The following GLT1D1 variants were observed in gnomAD, a reference collection of about 807,000 sequenced individuals.
GLT1D1 encodes glycosyltransferase 1 domain containing 1.
In GLT1D1, 21 loss-of-function variants were observed where a neutral mutation model predicts 28.7. The ratio of observed to expected loss-of-function variants is 0.73; its 90% CI spans 0.52 to 1.05. The LOEUF is 1.05. Among genes scored for constraint, GLT1D1 ranks in the 50% least tolerant of loss-of-function variants. The probability of loss-of-function intolerance (pLI) is 0.00; values close to 1 mark genes in which losing one functional copy is unlikely to be tolerated. For synonymous variants in GLT1D1, 147 were observed against 124.8 expected, an observed-to-expected ratio of 1.18 and a Z score of -1.19; for missense variants, 343 against 330.6, an observed-to-expected ratio of 1.04 and a Z score of -0.29.
At chr12:128,971,384 C>T (rs1246580443) in intron 7 of GLT1D1, among the ~76,000 whole-genome samples, 1 of 136,526 alleles carries the variant, frequency 7.3e-6, no homozygotes, top group Non-Finnish European at 1.5e-5. Flanking sequence ...TTGATTTCTT[C>T]TCCCTCCCTC....
chr12:128,966,256 G>T (rs900413150), intron 7 of GLT1D1, among the ~76,000 whole-genome samples: 1 of 152,344 alleles, frequency 6.6e-6, no homozygotes, highest in East Asian at 1.9e-4. Context: ...ATACCAGCCA[G>T]CATCCCTGCC....
intron 4 of GLT1D1, among the ~76,000 whole-genome samples, chr12:128,936,085 TG>T (rs1170745264): frequency 1.3e-5 from 2 of 151,990 alleles, no homozygotes; most frequent in Non-Finnish European, 2.9e-5. Context: ...ATTCGATGAG[TG>T]AACACTTGGA....
chr12:128,945,576 T>A (rs538444432), intron 5 of GLT1D1, among the ~76,000 whole-genome samples: 6 of 152,338 alleles, frequency 3.9e-5, no homozygotes, highest in Non-Finnish European at 7.3e-5. Flanking sequence ...GTGATTATAA[T>A]TTTTAATGGA....
intron 4 of GLT1D1, 26 bp downstream of exon 5, chr12:128,912,486 C>T (rs1188946066): frequency 5.3e-6 from 7 of 1,324,506 alleles, no homozygotes; most frequent in Admixed American, 2.1e-5. Flanking sequence ...TATTTATTTA[C>T]TTATGTACAG....
rs546181387 is a variant in GLT1D1, at chr12:128,880,706, CTG to C, written c.217+4646_217+4647del. Among the ~76,000 whole-genome samples, 19 of 152,240 alleles carry C rather than the reference CTG, an allele frequency of 1.2e-4. No individual in the cohort carries two copies. The South Asian group carries it at 3.9e-3, about 32-fold the overall frequency. ...CTTAGACAGCCTTCTATTGATTAAACTGTATTTAAAAATATATAGTTCTTATT... is the reference window on the plus strand; with the variant it reads ...CTTAGACAGCCTTCTATTGATTAAACTATTTAAAAATATATAGTTCTTATT... On this transcript the variant is annotated intron_variant, in intron 2 of 7. Transcript: ENST00000281703.
chr12:128,957,663 C>T lies in GLT1D1; in HGVS notation c.639+20C>T. 7.2e-7 allele frequency: 1 copy of T among 1,392,270 alleles called. No individual in the cohort carries two copies. The highest frequency in any genetic ancestry group is 1.0e-6 in the Non-Finnish European group (1 of 978,478). The allele number at this position is 1,392,270 out of a possible 1,614,324, so 86.2% of individuals were successfully genotyped here. A position where few individuals can be genotyped will look rare whatever the true frequency, so the allele number is the denominator to read the frequency against. ...CCTCAGGTAAAGAAAAGTTCTTTCC[C>T]TCCATTCACTCACCTTATCTGAATA... On this transcript the variant is annotated intron_variant, in intron 7 of 7. Transcript: ENST00000281703.
At chr12:128,950,202 G>C (rs560952786) in intron 6 of GLT1D1, among the ~76,000 whole-genome samples, 12 of 152,322 alleles carry the variant, frequency 7.9e-5, no homozygotes, top group African/African-American at 2.6e-4. Context: ...CTGCAGGGAG[G>C]TGGGGTGCCG....
At chr12:128,885,439 T>A (rs933559457) in intron 2 of GLT1D1, among the ~76,000 whole-genome samples, 5 of 152,136 alleles carry the variant, frequency 3.3e-5, no homozygotes, top group African/African-American at 1.2e-4. Context: ...GCCAGGCTGG[T>A]CTCAAACTCC....
chr12:128,894,879 A>ATT (rs1233296498), intron 3 of GLT1D1, among the ~76,000 whole-genome samples: 1 of 148,440 alleles, frequency 6.7e-6, no homozygotes, highest in Non-Finnish European at 1.5e-5. Context: ...TATATTAAAA[A>ATT]TTATATATAT....
In GLT1D1 at chr12:128,912,404, C is replaced by T; in HGVS notation, c.375+13117C>T. On this transcript the variant is annotated intron_variant, in intron 4 of 7. Transcript: ENST00000281703. ...ACTGTCCAATGTACTTTTCTTTTCT[C>T]TCTCCCCTCCTTTCAAAAGCCGCAT... 1 of 1,509,658 alleles carries T rather than the reference C, an allele frequency of 6.6e-7. No homozygotes were observed. The highest frequency in any genetic ancestry group is 8.9e-7 in the Non-Finnish European group (1 of 1,125,066). 93.5% of individuals were successfully genotyped at this position (1,509,658 alleles called of 1,614,324 possible).
intron 2 of GLT1D1, among the ~76,000 whole-genome samples, chr12:128,886,334 A>C (rs1868385061): frequency 1.3e-5 from 2 of 152,230 alleles, no homozygotes; most frequent in South Asian, 4.1e-4. Flanking sequence ...AATTTACCAC[A>C]AACCCAGTGG....
At chr12:128,950,172 A>G (rs1467817954) in intron 6 of GLT1D1, among the ~76,000 whole-genome samples, 1 of 152,174 alleles carries the variant, frequency 6.6e-6, no homozygotes, top group African/African-American at 2.4e-5. Flanking sequence ...TGCTACTGGC[A>G]TGTATTTGGG....
At chr12:128,908,524 T>C (rs1021965447) in intron 4 of GLT1D1, among the ~76,000 whole-genome samples, 49 of 150,500 alleles carry the variant, frequency 3.3e-4, no homozygotes, top group Non-Finnish European at 6.3e-4. Context: ...TCTTTCTTTC[T>C]TTCCTTCTTT....
intron 4 of GLT1D1, among the ~76,000 whole-genome samples, chr12:128,922,162 C>CTGTGTGTG (rs57835879): frequency 0.012 from 1,787 of 148,778 alleles, 38 homozygotes; most frequent in African/African-American, 0.042. Flanking sequence ...TATGTAAACT[C>CTGTGTGTG]TGTGTGTGTG....
chr12:128,952,703 G>A (rs1876839346), intron 6 of GLT1D1, among the ~76,000 whole-genome samples: 1 of 145,020 alleles, frequency 6.9e-6, no homozygotes. Flanking sequence ...TTGAACTCCC[G>A]ACTTCAGGTG....
At chr12:128,951,041 C>G (rs563187765) in intron 6 of GLT1D1, among the ~76,000 whole-genome samples, 27 of 152,182 alleles carry the variant, frequency 1.8e-4, no homozygotes, top group African/African-American at 5.8e-4. Flanking sequence ...CCACACAAAA[C>G]AAGTATGAAG....
At chr12:128,910,018 C>T (rs1871351625) in intron 4 of GLT1D1, among the ~76,000 whole-genome samples, 1 of 152,244 alleles carries the variant, frequency 6.6e-6, no homozygotes, top group South Asian at 2.1e-4. Flanking sequence ...CAATATAAGC[C>T]AATTGGCTTT....
chr12:128,926,970 C>T, intron 4 of GLT1D1, 135 bp from the exon 8 acceptor site: 1 of 570,018 alleles, frequency 1.8e-6, no homozygotes, highest in East Asian at 2.9e-5. Context: ...TTTAAATTGC[C>T]TAATATTATG....
chr12:128,889,312 A>G (rs1199093413), intron 3 of GLT1D1, among the ~76,000 whole-genome samples: 4 of 152,194 alleles, frequency 2.6e-5, no homozygotes, highest in African/African-American at 7.2e-5. Flanking sequence ...AGGGTCACCA[A>G]CAGGATTTCT....
Sources: gnomAD v4.1 joint callset for allele counts (sites outside exome capture counted in the v4.1 genomes callset) on GRCh38, gnomAD v4.1.1 for gene constraint, MANE v1.5 for transcripts, NCBI Gene and HGNC (gene_info 2026-07-23, HGNC 2026-07-21) for gene names.